MAGI3: variants seen among roughly 807,000 people sequenced by gnomAD.
MAGI3 encodes the protein membrane associated guanylate kinase, WW and PDZ domain containing 3, also known as membrane-associated guanylate kinase, WW and PDZ domain-containing protein 3.
In MAGI3, 43 loss-of-function variants were observed where a neutral mutation model predicts 121.8. The ratio of observed to expected loss-of-function variants is 0.35; its 90% CI spans 0.28 to 0.46. The LOEUF (loss-of-function observed/expected upper bound fraction) is 0.46, where lower values mean the gene tolerates loss of function less well. Ranked by LOEUF, MAGI3 falls within the 20% of genes least tolerant of loss-of-function variation. The pLI is 1.00. For missense variants in MAGI3, 1,547 were observed against 1,797.3 expected, an observed-to-expected ratio of 0.86 and a Z score of 2.52; for synonymous variants, 553 against 639.3, an observed-to-expected ratio of 0.86 and a Z score of 2.04.
chr1:113,435,913 A>C (rs138795760), intron 1 of MAGI3, among the ~76,000 whole-genome samples: 1 of 152,136 alleles, frequency 6.6e-6, no homozygotes, highest in Non-Finnish European at 1.5e-5. Flanking sequence ...TCATAAATGA[A>C]AGATTTTTAA....
At chr1:113,663,958 T>C (rs772406645) in intron 16 of MAGI3, among the ~76,000 whole-genome samples, 3 of 152,230 alleles carry the variant, frequency 2.0e-5, no homozygotes, top group Non-Finnish European at 2.9e-5. Flanking sequence ...AGTAATGATG[T>C]TGAACATCTT....
intron 1 of MAGI3, among the ~76,000 whole-genome samples, chr1:113,469,025 A>T (rs2101535247): frequency 6.6e-6 from 1 of 152,332 alleles, no homozygotes; most frequent in African/African-American, 2.4e-5. Context: ...GAATTAAAGC[A>T]TATATATGAT....
chr1:113,472,005 C>A (rs1198137236), intron 1 of MAGI3, among the ~76,000 whole-genome samples: 1 of 152,082 alleles, frequency 6.6e-6, no homozygotes, highest in Non-Finnish European at 1.5e-5. Flanking sequence ...GATGAATTGA[C>A]TCCTTTATTA....
intron 1 of MAGI3, among the ~76,000 whole-genome samples, chr1:113,531,688 T>C (rs576049118): frequency 2.3e-4 from 33 of 144,824 alleles, no homozygotes; most frequent in Non-Finnish European, 4.5e-4. Flanking sequence ...CCCGACTCTA[T>C]GTTTGAACAT....
intron 2 of MAGI3, among the ~76,000 whole-genome samples, chr1:113,557,491 A>C (rs1660045804): frequency 6.6e-6 from 1 of 152,068 alleles, no homozygotes; most frequent in South Asian, 2.1e-4. Flanking sequence ...TCCTCATCTC[A>C]GCTGATCCTC....
At chr1:113,616,577 T>TG (rs1269515698) in intron 7 of MAGI3, among the ~76,000 whole-genome samples, 1 of 152,194 alleles carries the variant, frequency 6.6e-6, no homozygotes, top group Non-Finnish European at 1.5e-5. Context: ...TTTTAGAGGA[T>TG]GGGATTCTGA....
At chr1:113,559,807 G>C (rs1557823238) in intron 2 of MAGI3, among the ~76,000 whole-genome samples, 4 of 152,158 alleles carry the variant, frequency 2.6e-5, no homozygotes, top group Admixed American at 2.6e-4. Flanking sequence ...CTGACCTCAA[G>C]TGGTCTACTC....
chr1:113,460,671 T>C (rs1654985804), intron 1 of MAGI3, among the ~76,000 whole-genome samples: 1 of 151,798 alleles, frequency 6.6e-6, no homozygotes, highest in Non-Finnish European at 1.5e-5. Flanking sequence ...TAGCCGGGCG[T>C]GGTGGTGGGT....
At chr1:113,595,117 C>T (rs1648919170) in intron 6 of MAGI3, among the ~76,000 whole-genome samples, 1 of 152,072 alleles carries the variant, frequency 6.6e-6, no homozygotes, top group Non-Finnish European at 1.5e-5. Flanking sequence ...CTTATCTGTC[C>T]TATATATTAT....
intron 1 of MAGI3, among the ~76,000 whole-genome samples, chr1:113,478,736 C>T (rs1401317729): frequency 6.6e-6 from 1 of 152,234 alleles, no homozygotes; most frequent in East Asian, 1.9e-4. Flanking sequence ...TCTGTCTGTT[C>T]TCAGAGCTCA....
intron 6 of MAGI3, among the ~76,000 whole-genome samples, chr1:113,606,332 C>T (rs1278118050): frequency 1.3e-5 from 2 of 152,046 alleles, no homozygotes; most frequent in Non-Finnish European, 1.5e-5. Context: ...TAGTAAGTTC[C>T]TTCTTATGGT....
chr1:113,486,972 A>G (rs899227255), intron 1 of MAGI3, among the ~76,000 whole-genome samples: 8 of 152,150 alleles, frequency 5.3e-5, no homozygotes, highest in African/African-American at 1.9e-4. Flanking sequence ...TGACTTTCCA[A>G]AGTGCTAGGA....
Position 113,681,201 on chromosome 1 carries a change from G to A in MAGI3, c.3193G>A (p.Gly1065Ser), listed in dbSNP as rs772770693. 2.1e-5 allele frequency: 34 copies of A among 1,613,210 alleles called. No individual in the cohort carries two copies. Among genetic ancestry groups the A allele is most frequent in the Non-Finnish European group, 2.9e-5 (34 of 1,179,838 alleles). Residue 1065 changes from glycine (G) to serine (S), a missense_variant, in exon 20 of 21, where the codon GGT (glycine) becomes AGT (serine). By Grantham distance (56) the Gly-to-Ser change is moderately conservative (BLOSUM62 0). Transcript: ENST00000307546. ...PAIKDGRIHV[G>S]DQIVEINGEP... ...CCTGTGAATGTTCTCTGTCTAGGTT[G>A]GTGACCAGATTGTTGAAATCAATGG...
intron 1 of MAGI3, among the ~76,000 whole-genome samples, chr1:113,432,158 G>T (rs1653332623): frequency 1.3e-5 from 2 of 152,130 alleles, no homozygotes; most frequent in Non-Finnish European, 2.9e-5. Context: ...TAATGAAGTG[G>T]AATCTCTACT....
Position 113,391,405 on chromosome 1 carries a change from G to A in MAGI3, c.316+56G>A. On this transcript the variant is annotated intron_variant, in intron 1 of 20. Coordinates refer to ENST00000307546, the MANE Select transcript of MAGI3 (RefSeq NM_001142782.2). The surrounding 1 kb of genome is among the most constrained non-coding windows in gnomAD (Gnocchi z 4.4). ...TGTTGGGGAGAGGGGCTTCAGGGTG[G>A]GCGTCCTGGGAGCGGCGGCACCTCC... 6.5e-7 allele frequency: 1 copy of A among 1,540,218 alleles called. No homozygotes were observed. Among genetic ancestry groups the A allele is most frequent in the Admixed American group, 2.0e-5 (1 of 50,458 alleles).
At chr1:113,505,336 A>G (rs1384666888) in intron 1 of MAGI3, among the ~76,000 whole-genome samples, 1 of 152,086 alleles carries the variant, frequency 6.6e-6, no homozygotes, top group Admixed American at 6.5e-5. Context: ...TGGTCAGCAA[A>G]AGCTCAGCAA....
chr1:113,683,040 G>A lies in MAGI3; in HGVS notation c.3472G>A (p.Glu1158Lys). The A allele has an allele frequency of 6.2e-7, 1 of 1,613,848 alleles. No individual in the cohort carries two copies. The highest frequency in any genetic ancestry group is 2.2e-5 in the East Asian group (1 of 44,888). ...IEESLRVQIC[E>K]KAEELKDIVP... The stretch of plus-strand genomic sequence containing the variant: ...AGAATCTTTGAGAGTTCAGATATGT[G>A]AAAAGGCAGAAGAATTAAAGGACAT... The change falls in exon 21 of 21, where the codon GAA becomes AAA. Residue 1158 changes from glutamate to lysine, a missense_variant. Glu to Lys is a moderately conservative substitution (Grantham distance 56). Coordinates refer to ENST00000307546, the MANE Select transcript of MAGI3 (RefSeq NM_001142782.2).
chr1:113,559,567 C>CTTTTTTTT (rs200737453), intron 2 of MAGI3, among the ~76,000 whole-genome samples: 1 of 150,596 alleles, frequency 6.6e-6, no homozygotes, highest in African/African-American at 2.4e-5. Flanking sequence ...CATAAAGTTC[C>CTTTTTTTT]TTTTTTTTGT....
At position 113,422,981 on chromosome 1, in the gene MAGI3, C is replaced by T. The variant is rs1557748898; in HGVS notation, c.316+31632C>T. Among the ~76,000 whole-genome samples the T allele has an allele frequency of 6.6e-6, 1 of 152,078 alleles. No individual in the cohort carries two copies. The highest frequency in any genetic ancestry group is 1.5e-5 in the Non-Finnish European group (1 of 68,004). On this transcript the variant is annotated intron_variant, in intron 1 of 20. Coordinates refer to ENST00000307546, the MANE Select transcript of MAGI3 (RefSeq NM_001142782.2). The surrounding 1 kb of genome is among the most constrained non-coding windows in gnomAD (Gnocchi z 4.3). ...AGGTCTGGGCCCCCAGAAGGGTTGC[C>T]ACCCTTCACTTCTGCAGTCTGAGAG...
Sources: allele counts gnomAD v4.1 joint callset (sites outside exome capture counted in the v4.1 genomes callset), GRCh38; gene constraint gnomAD v4.1.1; non-coding constraint Gnocchi (gnomAD v3.1); transcripts MANE v1.5; gene names NCBI Gene and HGNC (gene_info 2026-07-23, HGNC 2026-07-21).